The following IMMP2L variants were observed in gnomAD, a reference collection of about 807,000 sequenced individuals.
IMMP2L encodes inner mitochondrial membrane peptidase subunit 2.
IMMP2L carries 18 observed loss-of-function variants against 19.3 expected under a neutral mutation model. The observed-to-expected ratio is 0.93, with a 90% CI of 0.64 to 1.38. The LOEUF is 1.38. Ranked by LOEUF, IMMP2L falls within the 40% of genes most tolerant of loss-of-function variation. The pLI is 0.00. For missense variants in IMMP2L, 233 were observed against 218.2 expected (o/e 1.07, Z -0.43); for synonymous variants, 76 against 73.0 (o/e 1.04, Z -0.21).
intron 1 of IMMP2L, among the ~76,000 whole-genome samples, chr7:111,536,655 T>C (rs180898982): frequency 6.6e-6 from 1 of 152,144 alleles, no homozygotes; most frequent in African/African-American, 2.4e-5. Flanking sequence ...TCTCAGAAAT[T>C]TGTTAGAAAA....
intron 3 of IMMP2L, among the ~76,000 whole-genome samples, chr7:111,249,944 C>G (rs927648480): frequency 1.3e-5 from 2 of 152,114 alleles, no homozygotes; most frequent in Non-Finnish European, 2.9e-5. Flanking sequence ...GATATTCAAA[C>G]AGGAAGAGAA....
At chr7:110,973,044 T>C (rs1820313297) in intron 3 of IMMP2L, among the ~76,000 whole-genome samples, 1 of 152,004 alleles carries the variant, frequency 6.6e-6, no homozygotes, top group Non-Finnish European at 1.5e-5. Flanking sequence ...CCAGAGATTG[T>C]TGGTGGAGGT....
At chr7:111,202,820 T>C (rs146017448) in intron 3 of IMMP2L, among the ~76,000 whole-genome samples, 1 of 152,298 alleles carries the variant, frequency 6.6e-6, no homozygotes, top group Non-Finnish European at 1.5e-5. Flanking sequence ...GAAGGGGATG[T>C]TAGGAATTTG....
At chr7:111,377,119 G>A (rs1830742411) in intron 3 of IMMP2L, among the ~76,000 whole-genome samples, 1 of 151,562 alleles carries the variant, frequency 6.6e-6, no homozygotes, top group African/African-American at 2.4e-5. Context: ...AAAAAATATA[G>A]TATATATAGT....
At chr7:110,852,195 T>G (rs201642608) in intron 5 of IMMP2L, among the ~76,000 whole-genome samples, 1 of 140,120 alleles carries the variant, frequency 7.1e-6, no homozygotes, top group Admixed American at 7.3e-5. Context: ...GATGGGTGGA[T>G]GGAAGGATGG....
chr7:111,119,491 A>G (rs1586400817), intron 3 of IMMP2L, among the ~76,000 whole-genome samples: 1 of 152,368 alleles, frequency 6.6e-6, no homozygotes, highest in East Asian at 1.9e-4. Context: ...AAGCACAGAT[A>G]TAATAGATTA....
chr7:111,492,289 T>C, intron 2 of IMMP2L: 1 of 521,322 alleles, frequency 1.9e-6, no homozygotes, highest in African/African-American at 2.1e-5. Flanking sequence ...AAAGATCCTA[T>C]TCCAGCCCAC....
In IMMP2L at chr7:111,094,441, G is replaced by T. The variant is rs1000407892; in HGVS notation, c.240-130876C>A. Among the ~76,000 whole-genome samples, 5 of 152,228 alleles carry T rather than the reference G, an allele frequency of 3.3e-5. No homozygotes were observed. The Middle Eastern group carries it at 0.01, about 311-fold the overall frequency. ...ATTTAAAATAATGTGGCTCCAGCCAGTCTGAAGAAACACTAGACATGTGTA... is the reference window on the plus strand; with the variant it reads ...ATTTAAAATAATGTGGCTCCAGCCATTCTGAAGAAACACTAGACATGTGTA... On this transcript the variant is annotated intron_variant, in intron 3 of 5. Transcript: ENST00000405709.
chr7:111,494,892 T>G (rs575320799), intron 2 of IMMP2L, among the ~76,000 whole-genome samples: 4 of 151,796 alleles, frequency 2.6e-5, no homozygotes, highest in Non-Finnish European at 4.4e-5. Context: ...TCATTTTACA[T>G]AGTAAACTGA....
At chr7:111,329,214 C>G (rs1003985371) in intron 3 of IMMP2L, among the ~76,000 whole-genome samples, 2 of 151,354 alleles carry the variant, frequency 1.3e-5, no homozygotes, top group Non-Finnish European at 2.9e-5. Flanking sequence ...GAAGCTGTGG[C>G]AGAGGTATAA....
chr7:111,195,099 AC>A (rs1283192463), intron 3 of IMMP2L, among the ~76,000 whole-genome samples: 1 of 152,128 alleles, frequency 6.6e-6, no homozygotes, highest in Non-Finnish European at 1.5e-5. Flanking sequence ...ACTACATAAA[AC>A]TTACATTGTA....
intron 3 of IMMP2L, among the ~76,000 whole-genome samples, chr7:111,371,976 C>G (rs39724): frequency 0.014 from 2,202 of 152,052 alleles, 51 homozygotes; most frequent in African/African-American, 0.05. Context: ...AATATATTGA[C>G]AAATGGCCAC....
chr7:110,871,665 A>T (rs1259243183), intron 5 of IMMP2L, among the ~76,000 whole-genome samples: 1 of 152,128 alleles, frequency 6.6e-6, no homozygotes, highest in Admixed American at 6.6e-5. Flanking sequence ...ATATTATGGA[A>T]GGTAGAAAGG....
chr7:111,499,885 G>A (rs1843995706), intron 2 of IMMP2L, among the ~76,000 whole-genome samples: 1 of 152,130 alleles, frequency 6.6e-6, no homozygotes, highest in African/African-American at 2.4e-5. Flanking sequence ...GAGCGACGCA[G>A]AAGACGGGTG....
chr7:111,211,551 A>G (rs1303675401), intron 3 of IMMP2L, among the ~76,000 whole-genome samples: 1 of 152,208 alleles, frequency 6.6e-6, no homozygotes, highest in African/African-American at 2.4e-5. Flanking sequence ...ATTCTGACCA[A>G]GGGTATGTGA....
Position 111,366,344 on chromosome 7 carries a change from G to GAA in IMMP2L, c.239+120892_239+120893dup, listed in dbSNP as rs34751093. On this transcript the variant is annotated intron_variant, in intron 3 of 5. Coordinates refer to ENST00000405709, the MANE Select transcript of IMMP2L (RefSeq NM_032549.4). ...AGAAGCATTCTATTAAAAAAAGAAA[G>GAA]AAAAAAAAAAAAAGAAAGAGCAAGG... is the stretch of plus-strand genomic sequence containing the variant. Among the ~76,000 whole-genome samples the GAA allele has an allele frequency of 3.2e-3, 375 of 118,024 alleles. 1 individual carries two copies. The highest frequency in any genetic ancestry group is 4.8e-3 in the Non-Finnish European group (262 of 54,226). The allele number at this position is 118,024 out of a possible 152,430, so 77.4% of individuals were successfully genotyped here. A position where few individuals can be genotyped will look rare whatever the true frequency, so the allele number is the denominator to read the frequency against.
chr7:111,353,108 C>T (rs1254121176), intron 3 of IMMP2L, among the ~76,000 whole-genome samples: 1 of 152,152 alleles, frequency 6.6e-6, no homozygotes, highest in Non-Finnish European at 1.5e-5. Flanking sequence ...TCACAAAATT[C>T]CAGAAGAAGC....
intron 4 of IMMP2L, among the ~76,000 whole-genome samples, chr7:110,936,079 C>T (rs1816080710): frequency 6.6e-6 from 1 of 152,116 alleles, no homozygotes; most frequent in African/African-American, 2.4e-5. Context: ...AACGTAAGAC[C>T]TAAAACCATA....
At chr7:111,490,061 G>T (rs1385631474) in intron 2 of IMMP2L, among the ~76,000 whole-genome samples, 3 of 149,084 alleles carry the variant, frequency 2.0e-5, no homozygotes, top group Non-Finnish European at 4.4e-5. Flanking sequence ...CTCCCAAAGT[G>T]CTGTCATTAC....
Sources: allele counts gnomAD v4.1 joint callset (sites outside exome capture counted in the v4.1 genomes callset), GRCh38; gene constraint gnomAD v4.1.1; transcripts MANE v1.5; gene names NCBI Gene and HGNC (gene_info 2026-07-23, HGNC 2026-07-21).